The following BAZ2B variants were observed in gnomAD, a reference collection of about 807,000 sequenced individuals.
The protein encoded by BAZ2B is bromodomain adjacent to zinc finger domain protein 2B.
BAZ2B carries 91 observed loss-of-function variants against 246.0 expected under a neutral mutation model. The observed-to-expected ratio is 0.37, with a 90% CI of 0.31 to 0.44. The LOEUF is 0.44. BAZ2B is among the 20% of genes least tolerant of loss of function. The pLI is 1.00. For missense variants in BAZ2B, 2,332 were observed against 2,533.7 expected, an observed-to-expected ratio of 0.92 and a Z score of 1.71; for synonymous variants, 855 against 860.0, an observed-to-expected ratio of 0.99 and a Z score of 0.10.
chr2:159,327,867 C>T (rs1404027722), intron 34 of BAZ2B, among the ~76,000 whole-genome samples: 1 of 152,066 alleles, frequency 6.6e-6, no homozygotes, highest in East Asian at 1.9e-4. Context: ...GAGTTTGAGA[C>T]CAGCTTGGCC....
chr2:159,552,931 A>G (rs1215884023), intron 2 of BAZ2B, among the ~76,000 whole-genome samples: 1 of 152,200 alleles, frequency 6.6e-6, no homozygotes, highest in Non-Finnish European at 1.5e-5. Context: ...TATTAGAGAG[A>G]CAGTTTGATT....
At chr2:159,347,988 T>G (rs2058127053) in intron 30 of BAZ2B, among the ~76,000 whole-genome samples, 1 of 152,098 alleles carries the variant, frequency 6.6e-6, no homozygotes, top group African/African-American at 2.4e-5. Flanking sequence ...TCTGCCCCCA[T>G]GAATACCAAA....
At chr2:159,414,062 G>A (rs888211966) in intron 13 of BAZ2B, among the ~76,000 whole-genome samples, 3 of 152,140 alleles carry the variant, frequency 2.0e-5, no homozygotes, top group African/African-American at 7.2e-5. Context: ...CTACACAATG[G>A]AGTACTTATT....
chr2:159,350,792 C>T (rs1282005773), intron 27 of BAZ2B, among the ~76,000 whole-genome samples: 5 of 152,124 alleles, frequency 3.3e-5, no homozygotes, highest in Non-Finnish European at 5.9e-5. Flanking sequence ...AGGCTGGTCT[C>T]GAATCTCTGA....
chr2:159,504,067 G>A (rs1438545968), intron 2 of BAZ2B, among the ~76,000 whole-genome samples: 1 of 151,974 alleles, frequency 6.6e-6, no homozygotes, highest in Non-Finnish European at 1.5e-5. Context: ...AACATGACTT[G>A]CAAAGAATAT....
chr2:159,612,192 A>G (rs1694857689), intron 1 of BAZ2B, among the ~76,000 whole-genome samples: 1 of 152,014 alleles, frequency 6.6e-6, no homozygotes, highest in African/African-American at 2.4e-5. Flanking sequence ...ATTAAATACA[A>G]AACTGCCTCT....
chr2:159,566,935 A>G (rs1485284163), intron 1 of BAZ2B, among the ~76,000 whole-genome samples: 1 of 152,110 alleles, frequency 6.6e-6, no homozygotes, highest in Non-Finnish European at 1.5e-5. Context: ...GGTTAAAGAT[A>G]AGGGTGGAAT....
At chr2:159,382,864 A>T (rs1480270363) in intron 24 of BAZ2B, 62 bp from the exon 25 acceptor site, 18 of 1,565,702 alleles carry the variant, frequency 1.1e-5, no homozygotes, top group Non-Finnish European at 1.6e-5. Flanking sequence ...CTTTTAAAAG[A>T]GCAAAACATG....
the BAZ2B span, among the ~76,000 whole-genome samples, chr2:159,669,080 GA>G: frequency 6.6e-6 from 1 of 151,880 alleles, no homozygotes; most frequent in Non-Finnish European, 1.5e-5. Flanking sequence ...AAGAAAGAAA[GA>G]AAGAAATTGA....
At chr2:159,402,845 G>A (rs1489609865) in intron 16 of BAZ2B, among the ~76,000 whole-genome samples, 2 of 152,090 alleles carry the variant, frequency 1.3e-5, no homozygotes, top group Non-Finnish European at 2.9e-5. Context: ...GGTTAACTTT[G>A]TAATGTTGAG....
chr2:159,652,078 G>A, the BAZ2B span, among the ~76,000 whole-genome samples: 2 of 152,080 alleles, frequency 1.3e-5, no homozygotes, highest in Admixed American at 6.6e-5. Context: ...TAAAATTGCT[G>A]AGTCATATAA....
chr2:159,542,834 T>C (rs1053770261), intron 2 of BAZ2B, among the ~76,000 whole-genome samples: 1 of 152,010 alleles, frequency 6.6e-6, no homozygotes, highest in African/African-American at 2.4e-5. Context: ...AATTAAGACC[T>C]TCCCAGGAAA....
chr2:159,680,329 A>G, the BAZ2B span, among the ~76,000 whole-genome samples: 40 of 152,356 alleles, frequency 2.6e-4, no homozygotes, highest in Non-Finnish European at 4.4e-5. Flanking sequence ...TTACTTGACA[A>G]TAAGTCTGTG....
chr2:159,454,388 AGTG>A (rs2075463236), intron 3 of BAZ2B, among the ~76,000 whole-genome samples: 8 of 152,190 alleles, frequency 5.3e-5, no homozygotes, highest in Non-Finnish European at 1.2e-4. Context: ...AACATTGTAC[AGTG>A]TACTTACACA....
At chr2:159,531,337 T>G (rs1238205832) in intron 2 of BAZ2B, among the ~76,000 whole-genome samples, 1 of 152,180 alleles carries the variant, frequency 6.6e-6, no homozygotes, top group African/African-American at 2.4e-5. Context: ...TTCGATCAAT[T>G]TTTTTGATTG....
At position 159,386,419 on chromosome 2, in the gene BAZ2B, T is replaced by C. The variant is rs754783127; in HGVS notation, c.3405A>G (p.Val1135=). 5.6e-6 allele frequency: 9 copies of C among 1,613,504 alleles called. No homozygotes were observed. In the East Asian group the frequency reaches 1.6e-4, roughly 28 times the overall value. Residue 1135 remains valine, a synonymous_variant, in exon 22 of 37, where the codon GTA becomes GTG. Transcript: ENST00000392783. ...LLNIGDSMGE[V]QDLLVRLLSA... The stretch of plus-strand genomic sequence containing the variant: ...AGAGGAGCCTCACAAGCAAGTCTTG[T>C]ACTTCACCCATGCTGTCCCCTATAT...
intron 6 of BAZ2B, among the ~76,000 whole-genome samples, chr2:159,441,790 A>C (rs2073448724): frequency 6.6e-6 from 1 of 152,186 alleles, no homozygotes; most frequent in Non-Finnish European, 1.5e-5. Flanking sequence ...TTGGGACTAT[A>C]AGCTAAAACA....
chr2:159,467,700 AG>A (rs2077254771), intron 3 of BAZ2B, among the ~76,000 whole-genome samples: 1 of 151,136 alleles, frequency 6.6e-6, no homozygotes, highest in South Asian at 2.1e-4. Context: ...GTAATGGTGG[AG>A]TGAGGTGGTC....
chr2:159,613,067 G>GAA (rs10609291), intron 1 of BAZ2B, among the ~76,000 whole-genome samples: 3 of 151,524 alleles, frequency 2.0e-5, no homozygotes, highest in Admixed American at 2.0e-4. Flanking sequence ...GTTCTAGAAA[G>GAA]AAAAAACCTG....
Sources: allele counts gnomAD v4.1 joint callset (sites outside exome capture counted in the v4.1 genomes callset), GRCh38; gene constraint gnomAD v4.1.1; transcripts MANE v1.5; gene names NCBI Gene and HGNC (gene_info 2026-07-23, HGNC 2026-07-21).